The following BNIP2 variants were observed in gnomAD, a reference collection of about 807,000 sequenced individuals.
BNIP2 encodes BCL2 interacting protein 2.
In BNIP2, 36 loss-of-function variants were observed where a neutral mutation model predicts 43.4. That is an observed-to-expected ratio of 0.83 (90% CI 0.64 to 1.10). The LOEUF is 1.10. Among genes scored for constraint, BNIP2 ranks in the 50% least tolerant of loss-of-function variants. The pLI is 0.00. For missense variants in BNIP2, 417 were observed against 374.1 expected, an observed-to-expected ratio of 1.11 and a Z score of -0.95; for synonymous variants, 146 against 121.0, an observed-to-expected ratio of 1.21 and a Z score of -1.35.
intron 2 of BNIP2, among the ~76,000 whole-genome samples, chr15:59,681,270 C>T (rs570303709): frequency 2.0e-4 from 30 of 152,290 alleles, no homozygotes; most frequent in Non-Finnish European, 3.2e-4. Flanking sequence ...AAGTACGGCA[C>T]GGAAGCACTA....
intron 6 of BNIP2, 59 bp from the exon 7 acceptor site, chr15:59,671,373 T>G: frequency 6.9e-7 from 1 of 1,453,740 alleles, no homozygotes; most frequent in South Asian, 1.3e-5. Context: ...TGAACTAGGT[T>G]CTCTAAATTG....
In BNIP2 at chr15:59,683,743, T is replaced by C. The variant is rs574078467; in HGVS notation, c.-57-1229A>G. Among the ~76,000 whole-genome samples, 73 of 152,190 alleles carry C rather than the reference T, an allele frequency of 4.8e-4. 1 individual carries two copies. The highest frequency in any genetic ancestry group is 1.7e-3 in the African/African-American group (69 of 41,542). On this transcript the variant is annotated intron_variant, in intron 1 of 9. Transcript: ENST00000607373. ...CTGAGGCAGGAGAATCGCTTGAACC[T>C]GGGAGGTGGAGGTTGCAGCGAGCCG...
At position 59,679,819 on chromosome 15, in the gene BNIP2, C is replaced by T. The variant is rs375105361; in HGVS notation, c.119-51G>A. ...ATACGTAACAAGGAATGCTTAGATG[C>T]TAAAGTTGAATAAGAAAAATTTTAA... is the stretch of plus-strand genomic sequence containing the variant. On this transcript the variant is annotated intron_variant, in intron 3 of 9. Coordinates refer to ENST00000607373, the MANE Select transcript of BNIP2 (RefSeq NM_004330.4). 4.6e-5 allele frequency: 64 copies of T among 1,385,122 alleles called. No homozygotes were observed. In the African/African-American group the frequency reaches 8.4e-4, roughly 18 times the overall value. 85.8% of individuals were successfully genotyped at this position (1,385,122 alleles called of 1,614,324 possible). A position where few individuals can be genotyped will look rare whatever the true frequency, so the allele number is the denominator to read the frequency against.
rs1892285966 is a variant in BNIP2, at chr15:59,661,714, A to G, written c.*2355T>C. The stretch of plus-strand genomic sequence containing the variant: ...AACAGAAAGATAAAAGTACAATCAC[A>G]TATACTTTCACCTTGGTCAGTAATG... On this transcript the variant is annotated 3_prime_UTR_variant, in exon 10 of 10. Coordinates refer to ENST00000607373, the MANE Select transcript of BNIP2 (RefSeq NM_004330.4). 1 of 152,244 alleles carries G rather than the reference A, an allele frequency of 6.6e-6. No individual in the cohort carries two copies. Among genetic ancestry groups the G allele is most frequent in the Non-Finnish European group, 1.5e-5 (1 of 68,042 alleles). The allele number at this position is 152,244 out of a possible 1,614,324, so 9.4% of individuals were successfully genotyped here.
intron 1 of BNIP2, chr15:59,688,771 C>A (rs1423291686): frequency 1.3e-6 from 2 of 1,535,494 alleles, no homozygotes; most frequent in African/African-American, 2.7e-5. Flanking sequence ...AGGACGGACG[C>A]TGGTCATAAA....
chr15:59,679,545 C>A, intron 4 of BNIP2, 47 bp downstream of exon 4: 1 of 1,550,744 alleles, frequency 6.4e-7, no homozygotes, highest in Non-Finnish European at 8.8e-7. Flanking sequence ...AAACAAAATC[C>A]CTTAGTACAT....
At chr15:59,680,377 T>C (rs1168310145) in intron 2 of BNIP2, 69 bp from the exon 3 acceptor site, 24 of 1,136,714 alleles carry the variant, frequency 2.1e-5, no homozygotes, top group Non-Finnish European at 2.9e-5. Flanking sequence ...TTCAATCTAT[T>C]AAACATACAG....
chr15:59,663,964 G>T lies in BNIP2; in HGVS notation c.*105C>A. 2.2e-6 allele frequency: 2 copies of T among 890,620 alleles called. No individual in the cohort carries two copies. The highest frequency in any genetic ancestry group is 1.7e-5 in the African/African-American group (1 of 57,678). 55.2% of individuals were successfully genotyped at this position (890,620 alleles called of 1,614,324 possible). ...ATTATGAAAAAGTCAAGTCTATTTT[G>T]TAACAGGTTACATAAAAATATGGGC... is the stretch of plus-strand genomic sequence containing the variant. On this transcript the variant is annotated 3_prime_UTR_variant, in exon 10 of 10. Coordinates refer to ENST00000607373, the MANE Select transcript of BNIP2 (RefSeq NM_004330.4).
chr15:59,669,256 C>A lies in BNIP2; in HGVS notation c.794+20G>T. 6.7e-7 allele frequency: 1 copy of A among 1,488,698 alleles called. No individual in the cohort carries two copies. The highest frequency in any genetic ancestry group is 1.3e-5 in the South Asian group (1 of 75,420). The allele number at this position is 1,488,698 out of a possible 1,614,324, so 92.2% of individuals were successfully genotyped here. On this transcript the variant is annotated intron_variant, in intron 8 of 9. Transcript: ENST00000607373. ...TAAATAAAAAAAATAAAATTAAAGT[C>A]AATGGCTCTCAAAAATTACCTAATA...
chr15:59,678,932 A>C lies in BNIP2; in HGVS notation c.295+660T>G. On this transcript the variant is annotated intron_variant, in intron 4 of 9. Coordinates refer to ENST00000607373, the MANE Select transcript of BNIP2 (RefSeq NM_004330.4). ...TGCTTACTACTGGACTGTTTATTGA[A>C]CCAGTAAAACAGGGAAGAAAAAAGA... is the stretch of plus-strand genomic sequence containing the variant. 1.1e-5 allele frequency: 13 copies of C among 1,131,278 alleles called. No individual in the cohort carries two copies. In the South Asian group the frequency reaches 2.0e-4, roughly 18 times the overall value. 70.1% of individuals were successfully genotyped at this position (1,131,278 alleles called of 1,614,324 possible).
At chr15:59,672,866 T>A in intron 5 of BNIP2, 127 bp from the exon 6 acceptor site, 1 of 628,988 alleles carries the variant, frequency 1.6e-6, no homozygotes, top group South Asian at 2.5e-5. Context: ...ATTAAATGTA[T>A]GTTTTGTAAA....
chr15:59,674,284 G>C (rs1318416600), intron 5 of BNIP2, among the ~76,000 whole-genome samples: 1 of 151,934 alleles, frequency 6.6e-6, no homozygotes, highest in African/African-American at 2.4e-5. Flanking sequence ...GAAAAGATTT[G>C]AACATTTCAA....
At chr15:59,665,037 G>A (rs563452557) in intron 9 of BNIP2, among the ~76,000 whole-genome samples, 82 of 152,250 alleles carry the variant, frequency 5.4e-4, no homozygotes, top group African/African-American at 1.8e-3. Flanking sequence ...AGGCCTAGGC[G>A]GGTGGATCAC....
At chr15:59,673,646 G>C (rs1419111139) in intron 5 of BNIP2, among the ~76,000 whole-genome samples, 2 of 152,106 alleles carry the variant, frequency 1.3e-5, no homozygotes, top group African/African-American at 2.4e-5. Flanking sequence ...GCTCAGACTG[G>C]TCGTGAACTC....
At position 59,659,889 on chromosome 15, in the gene BNIP2, A is replaced by G. The variant is rs557014084; in HGVS notation, c.*4180T>C. On this transcript the variant is annotated 3_prime_UTR_variant, in exon 10 of 10. Transcript: ENST00000607373. Reference sequence around the variant, plus strand: ...ATAGTTGCAACATACTGTTATATTCAAATTTTAGTGTCACTCCTTACTGTT... The same window carrying G: ...ATAGTTGCAACATACTGTTATATTCGAATTTTAGTGTCACTCCTTACTGTT... 12 of 152,294 alleles carry G rather than the reference A, an allele frequency of 7.9e-5. No individual in the cohort carries two copies. Among genetic ancestry groups the G allele is most frequent in the African/African-American group, 2.4e-4 (10 of 41,568 alleles). The allele number at this position is 152,294 out of a possible 1,614,324, so 9.4% of individuals were successfully genotyped here.
chr15:59,671,138 T>C, intron 7 of BNIP2, 45 bp downstream of exon 7: 4 of 1,489,732 alleles, frequency 2.7e-6, no homozygotes, highest in Non-Finnish European at 3.6e-6. Context: ...CCTAAAGCCA[T>C]TATAAAATTT....
chr15:59,674,696 T>C (rs1893156053), intron 5 of BNIP2, among the ~76,000 whole-genome samples: 1 of 152,148 alleles, frequency 6.6e-6, no homozygotes, highest in South Asian at 2.1e-4. Flanking sequence ...CTCCGTCCTG[T>C]GTTAGGAGGA....
In BNIP2 at chr15:59,687,494, G is replaced by C. The variant is rs1283432039; in HGVS notation, c.-58+1641C>G. 2.0e-5 allele frequency among the ~76,000 whole-genome samples: 3 copies of C among 152,150 alleles called. No individual in the cohort carries two copies. The East Asian group carries it at 5.8e-4, about 29-fold the overall frequency. On this transcript the variant is annotated intron_variant, in intron 1 of 9. Coordinates refer to ENST00000607373, the MANE Select transcript of BNIP2 (RefSeq NM_004330.4). ...AGTCTCCCGAGTAGCTGGGATTGCA[G>C]GCACGAGCGACCATGCCTGGCTAAT...
intron 7 of BNIP2, among the ~76,000 whole-genome samples, chr15:59,670,090 T>A (rs1185783794): frequency 6.6e-6 from 1 of 152,144 alleles, no homozygotes; most frequent in East Asian, 1.9e-4. Context: ...ACAAAACACT[T>A]CTAAAGCTTG....
Sources: allele counts gnomAD v4.1 joint callset (sites outside exome capture counted in the v4.1 genomes callset), GRCh38; gene constraint gnomAD v4.1.1; transcripts MANE v1.5; gene names NCBI Gene and HGNC (gene_info 2026-07-23, HGNC 2026-07-21).